KCNJ8: variants seen among roughly 807,000 people sequenced by gnomAD.
The protein encoded by KCNJ8 is ATP-sensitive inward rectifier potassium channel 8.
In KCNJ8, 13 loss-of-function variants were observed where a neutral mutation model predicts 28.2. The ratio of observed to expected loss-of-function variants is 0.46; its 90% CI spans 0.30 to 0.73. KCNJ8 has a LOEUF of 0.73. Among genes scored for constraint, KCNJ8 ranks in the 30% least tolerant of loss-of-function variants. The pLI is 0.07. For missense variants in KCNJ8, 284 were observed against 542.6 expected (o/e 0.52, Z 4.73); for synonymous variants, 188 against 195.9 (o/e 0.96, Z 0.34).
chr12:21,767,380 C>G (rs969117314), intron 2 of KCNJ8, among the ~76,000 whole-genome samples: 1 of 142,018 alleles, frequency 7.0e-6, no homozygotes, highest in Admixed American at 7.9e-5. Flanking sequence ...GGCCACACAG[C>G]AGGAGGTGAG....
intron 2 of KCNJ8, among the ~76,000 whole-genome samples, chr12:21,772,611 A>G (rs2137051384): frequency 6.6e-6 from 1 of 152,342 alleles, no homozygotes; most frequent in East Asian, 1.9e-4. Flanking sequence ...TTTTGGACTA[A>G]TTGTCATTAA....
intron 2 of KCNJ8, among the ~76,000 whole-genome samples, chr12:21,769,966 A>G (rs1591887209): frequency 6.6e-6 from 1 of 152,226 alleles, no homozygotes. Context: ...AATTCAGAAG[A>G]TTACATAAAT....
In KCNJ8 at chr12:21,765,251, A is replaced by T. The variant is rs7309783; in HGVS notation, c.*472T>A. The T allele has an allele frequency of 0.047, 10,588 of 227,412 alleles. 1,224 individuals carry two copies. The highest frequency in any genetic ancestry group is 0.23 in the African/African-American group (9,889 of 42,826). 14.1% of individuals were successfully genotyped at this position (227,412 alleles called of 1,614,324 possible). On this transcript the variant is annotated 3_prime_UTR_variant, in exon 3 of 3. Coordinates refer to ENST00000240662, the MANE Select transcript of KCNJ8 (RefSeq NM_004982.4). Reference sequence around the variant, plus strand: ...AGGCTTCCTACCAAATGCAGTTATCATGGAGACAGGAGAAGGCTGATGTAC... The same window carrying T: ...AGGCTTCCTACCAAATGCAGTTATCTTGGAGACAGGAGAAGGCTGATGTAC...
rs766434651 is a variant in KCNJ8, at chr12:21,773,210, TTCAACCCC to T, written c.374+25_374+32del. The T allele has an allele frequency of 6.2e-7, 1 of 1,609,778 alleles. No individual in the cohort carries two copies. The highest frequency in any genetic ancestry group is 1.1e-5 in the South Asian group (1 of 90,670). On this transcript the variant is annotated intron_variant, in intron 2 of 2. Coordinates refer to ENST00000240662, the MANE Select transcript of KCNJ8 (RefSeq NM_004982.4). This position sits in a 1 kb window ranked among gnomAD's most constrained non-coding sequence, Gnocchi z 4.6. The stretch of plus-strand genomic sequence containing the variant: ...ATTTTGACATTTTTTCTCTACTGTT[TTCAACCCC>T]TGCCTCATCCCACTACATTCTTACC...
At chr12:21,770,270 T>TAAAAA (rs1940727813) in intron 2 of KCNJ8, among the ~76,000 whole-genome samples, 1 of 152,186 alleles carries the variant, frequency 6.6e-6, no homozygotes, top group African/African-American at 2.4e-5. Context: ...ACATTAGCAT[T>TAAAAA]TTTTAGCATT....
rs1940806740 is a variant in KCNJ8, at chr12:21,773,398, C to T, written c.219G>A (p.Leu73=). ...AGAGGAAGGACATGGTAAAGATGAC[C>T]AGCGTGTGGCGCCATTTCAGGTCCA... ...TLVDLKWRHT[L]VIFTMSFLCS... Residue 73 remains leucine, a synonymous_variant, in exon 2 of 3, where the codon CTG becomes CTA. Transcript: ENST00000240662. This position sits in a 1 kb window ranked among gnomAD's most constrained non-coding sequence, Gnocchi z 4.6. The T allele has an allele frequency of 6.2e-7, 1 of 1,614,242 alleles. No individual in the cohort carries two copies. Among genetic ancestry groups the T allele is most frequent in the Non-Finnish European group, 8.5e-7 (1 of 1,180,050 alleles).
rs1350747691 is a variant in KCNJ8 at position 21,766,651 on chromosome 12, A to G, written c.375-28T>C. On this transcript the variant is annotated intron_variant, in intron 2 of 2. Transcript: ENST00000240662. This position sits in a 1 kb window ranked among gnomAD's most constrained non-coding sequence, Gnocchi z 6.5. ...GTGAGGAATGATATCAGAAAAGAAC[A>G]CCATCAGGTCACATTTTGAATAATG... The G allele has an allele frequency of 1.9e-6, 3 of 1,544,166 alleles. No homozygotes were observed. In the South Asian group the frequency reaches 3.4e-5, roughly 17 times the overall value.
Position 21,766,467 on chromosome 12 carries a change from A to G in KCNJ8, c.531T>C (p.Ile177=), listed in dbSNP as rs1940624872. The change falls in exon 3 of 3, where the codon ATT becomes ATC. Residue 177 remains isoleucine, a synonymous_variant. Coordinates refer to ENST00000240662, the MANE Select transcript of KCNJ8 (RefSeq NM_004982.4). This position sits in a 1 kb window ranked among gnomAD's most constrained non-coding sequence, Gnocchi z 6.5. The stretch of plus-strand genomic sequence containing the variant: ...TGTGAGCCTGAGCTGTTTTCATGAA[A>G]ATGCAGCCTAACATGACTGCATTGA... ...LIINAVMLGC[I]FMKTAQAHRR... is the part of the protein sequence containing the mutation. The G allele has an allele frequency of 6.2e-7, 1 of 1,614,176 alleles. No homozygotes were observed. The highest frequency in any genetic ancestry group is 8.5e-7 in the Non-Finnish European group (1 of 1,180,034).
At chr12:21,772,771 CT>C (rs1940792242) in intron 2 of KCNJ8, among the ~76,000 whole-genome samples, 1 of 152,142 alleles carries the variant, frequency 6.6e-6, no homozygotes, top group African/African-American at 2.4e-5. Context: ...CACTCTCCCC[CT>C]AGGGCCTTCC....
rs772424315 is a variant in KCNJ8, at chr12:21,766,236, G to T, written c.762C>A (p.Ile254=). The change falls in exon 3 of 3, where the codon ATC becomes ATA. Residue 254 remains isoleucine, a synonymous_variant. Transcript: ENST00000240662. The surrounding 1 kb of genome is among the most constrained non-coding windows in gnomAD (Gnocchi z 6.5). ...CCACCAGAAAAATGTTATTGCTCTC[G>T]ATTGGGTTATCAACAGGAATGTCCA... ...HQLDIPVDNP[I]ESNNIFLVAP... is the part of the protein sequence containing the mutation. 2.5e-6 allele frequency: 4 copies of T among 1,613,942 alleles called. No homozygotes were observed. Among genetic ancestry groups the T allele is most frequent in the Non-Finnish European group, 3.4e-6 (4 of 1,180,026 alleles).
In KCNJ8 at chr12:21,773,294, C is replaced by T. The variant is rs1234969032; in HGVS notation, c.323G>A (p.Ser108Asn). 2 of 1,613,998 alleles carry T rather than the reference C, an allele frequency of 1.2e-6. No individual in the cohort carries two copies. Among genetic ancestry groups the T allele is most frequent in the African/African-American group, 1.3e-5 (1 of 74,946 alleles). Residue 108 changes from serine (S) to asparagine (N), a missense_variant, in exon 2 of 3, where the codon AGT (serine) becomes AAT (asparagine). Transcript: ENST00000240662. This position sits in a 1 kb window ranked among gnomAD's most constrained non-coding sequence, Gnocchi z 4.6. ...HGDIYAYMEKSGMEKSGLEST... is the reference protein window; with the variant it reads ...HGDIYAYMEKNGMEKSGLEST... ...CTCCAAACCACTTTTCTCCATTCCACTTTTCTCCATGTAAGCATAGATGTC... is the reference window on the plus strand; with the variant it reads ...CTCCAAACCACTTTTCTCCATTCCATTTTTCTCCATGTAAGCATAGATGTC...
At chr12:21,774,494 G>C (rs1209772400) in intron 1 of KCNJ8, 52 bp downstream of exon 1, 2 of 152,092 alleles carry the variant, frequency 1.3e-5, no homozygotes, top group Non-Finnish European at 2.9e-5. Context: ...TCATTTACGG[G>C]AACACGGACA....
intron 1 of KCNJ8, 126 bp downstream of exon 1, chr12:21,774,420 T>C (rs1205183411): frequency 1.3e-5 from 2 of 149,980 alleles, no homozygotes; most frequent in African/African-American, 4.9e-5. Context: ...CGGGTTGCAG[T>C]AGGGAGTGTG....
At position 21,773,479 on chromosome 12, in the gene KCNJ8, C is replaced by T. The variant is rs568067955; in HGVS notation, c.138G>A (p.Ala46=). 1.9e-6 allele frequency: 3 copies of T among 1,614,264 alleles called. No homozygotes were observed. Among genetic ancestry groups the T allele is most frequent in the Non-Finnish European group, 2.5e-6 (3 of 1,180,054 alleles). The change falls in exon 2 of 3, where the codon GCG becomes GCA. Residue 46 remains alanine, a synonymous_variant. Coordinates refer to ENST00000240662, the MANE Select transcript of KCNJ8 (RefSeq NM_004982.4). The surrounding 1 kb of genome is among the most constrained non-coding windows in gnomAD (Gnocchi z 4.6). ...FIAKSGACNL[A]HKNIREQGRF... ...GTCCTTGCTCACGGATGTTCTTATG[C>T]GCCAGGTTGCAGGCCCCGCTCTTGG...
Position 21,766,201 on chromosome 12 carries a change from A to G in KCNJ8, c.797T>C (p.Ile266Thr), listed in dbSNP as rs1233555862. 1.9e-6 allele frequency: 3 copies of G among 1,614,082 alleles called. No individual in the cohort carries two copies. Among genetic ancestry groups the G allele is most frequent in the Non-Finnish European group, 2.5e-6 (3 of 1,179,998 alleles). The stretch of plus-strand genomic sequence containing the variant: ...GCGCTTGTCAATCACGTGGCAGATG[A>G]TCAAAGGGGCCACCAGAAAAATGTT... Reference protein sequence around the residue: ...SNNIFLVAPLIICHVIDKRSP... With the variant: ...SNNIFLVAPLTICHVIDKRSP... Residue 266 changes from isoleucine (I) to threonine (T), a missense_variant, in exon 3 of 3, where the codon ATC becomes ACC. This residue lies in a region of KCNJ8 where 107 missense variants were observed against 235.6 expected (regional missense o/e 0.45). Coordinates refer to ENST00000240662, the MANE Select transcript of KCNJ8 (RefSeq NM_004982.4). This position sits in a 1 kb window ranked among gnomAD's most constrained non-coding sequence, Gnocchi z 6.5.
rs58825765 is a variant in KCNJ8 at position 21,771,983 on chromosome 12, A to G, written c.374+1260T>C. Among the ~76,000 whole-genome samples, 140 of 152,362 alleles carry G rather than the reference A, an allele frequency of 9.2e-4. 2 individuals carry two copies. The East Asian group carries it at 0.025, about 27-fold the overall frequency. The stretch of plus-strand genomic sequence containing the variant: ...TGAAAAAAGAAAATAATATCTAATC[A>G]ATATTAAAAGCAATAGATCAATTCA... On this transcript the variant is annotated intron_variant, in intron 2 of 2. Coordinates refer to ENST00000240662, the MANE Select transcript of KCNJ8 (RefSeq NM_004982.4).
At chr12:21,770,166 G>A (rs1364940584) in intron 2 of KCNJ8, among the ~76,000 whole-genome samples, 1 of 152,070 alleles carries the variant, frequency 6.6e-6, no homozygotes, top group African/African-American at 2.4e-5. Flanking sequence ...CCCCAACCTT[G>A]AGCAACCACT....
In KCNJ8 at chr12:21,773,112, TTG is replaced by T; in HGVS notation, c.374+129_374+130del. The T allele has an allele frequency of 9.3e-7, 1 of 1,079,564 alleles. No homozygotes were observed. Among genetic ancestry groups the T allele is most frequent in the Admixed American group, 1.8e-5 (1 of 56,022 alleles). 66.9% of individuals were successfully genotyped at this position (1,079,564 alleles called of 1,614,324 possible). A position where few individuals can be genotyped will look rare whatever the true frequency, so the allele number is the denominator to read the frequency against. ...AGGTGTTGTTCTTTATTGTGCTTTTTTGTTTCTGAAGATTCTAAAACAAACCC... is the reference window on the plus strand; with the variant it reads ...AGGTGTTGTTCTTTATTGTGCTTTTTTTTCTGAAGATTCTAAAACAAACCC... On this transcript the variant is annotated intron_variant, in intron 2 of 2. Coordinates refer to ENST00000240662, the MANE Select transcript of KCNJ8 (RefSeq NM_004982.4). This position sits in a 1 kb window ranked among gnomAD's most constrained non-coding sequence, Gnocchi z 4.6.
chr12:21,766,259 C>T lies in KCNJ8; in HGVS notation c.739G>A (p.Asp247Asn). 1.2e-6 allele frequency: 2 copies of T among 1,614,100 alleles called. No individual in the cohort carries two copies. Among genetic ancestry groups the T allele is most frequent in the Non-Finnish European group, 1.7e-6 (2 of 1,180,036 alleles). Residue 247 changes from aspartate (D) to asparagine (N), a missense_variant, in exon 3 of 3, where the codon GAC becomes AAC. Physicochemically the swap from Asp to Asn is conservative, Grantham distance 23 (BLOSUM62 1). Around this residue, in one of 8 missense-constraint regions of KCNJ8, gnomAD observed 107 missense variants for 235.6 expected, o/e 0.45. Transcript: ENST00000240662. The surrounding 1 kb of genome is among the most constrained non-coding windows in gnomAD (Gnocchi z 6.5). ...EGEVVPIHQL[D>N]IPVDNPIESN... is the part of the protein sequence containing the mutation. ...TCGATTGGGTTATCAACAGGAATGT[C>T]CAGTTGGTGAATAGGAACCACCTCC...
Sources: allele counts gnomAD v4.1 joint callset (sites outside exome capture counted in the v4.1 genomes callset), GRCh38; gene constraint gnomAD v4.1.1; regional missense constraint gnomAD v4.1.1; non-coding constraint Gnocchi (gnomAD v3.1); transcripts MANE v1.5; gene names NCBI Gene and HGNC (gene_info 2026-07-23, HGNC 2026-07-21).